Variants in SYT1 observed in about 807,000 individuals in gnomAD.
The protein encoded by SYT1 is synaptotagmin 1, also known as synaptotagmin-1.
In SYT1, 8 loss-of-function variants were observed where a neutral mutation model predicts 44.8. The observed-to-expected ratio is 0.18, with a 90% confidence interval of 0.10 to 0.32. SYT1 has a LOEUF of 0.32. SYT1 is among the 10% of genes least tolerant of loss of function. The pLI, the probability that SYT1 is intolerant of heterozygous loss-of-function variation, is 1.00. For missense variants in SYT1, 286 were observed against 509.3 expected (o/e 0.56, Z 4.22); for synonymous variants, 154 against 188.8 (o/e 0.82, Z 1.51).
intron 1 of SYT1, among the ~76,000 whole-genome samples, chr12:78,900,884 C>T (rs1292641880): frequency 6.6e-6 from 1 of 152,064 alleles, no homozygotes; most frequent in Non-Finnish European, 1.5e-5. Flanking sequence ...CATCAAAATG[C>T]ATGTAATTTT....
At chr12:79,181,842 A>G (rs896298367) in intron 3 of SYT1, among the ~76,000 whole-genome samples, 5 of 152,078 alleles carry the variant, frequency 3.3e-5, no homozygotes, top group Admixed American at 2.6e-4. Context: ...TGTTCCTATC[A>G]ATTCTATCAT....
At chr12:79,187,114 C>T (rs945941064) in intron 3 of SYT1, among the ~76,000 whole-genome samples, 1 of 151,792 alleles carries the variant, frequency 6.6e-6, no homozygotes, top group Admixed American at 6.6e-5. Flanking sequence ...TCTTCTACAC[C>T]CCCTTACAGC....
Position 79,302,390 on chromosome 12 carries a change from A to C in SYT1, c.810+2839A>C, listed in dbSNP as rs373269734. ...CTCTGTGATGTTAATTAAATGGAGTAAGGTTTTATTGCCAGAAAGTTGACA... is the reference window on the plus strand; with the variant it reads ...CTCTGTGATGTTAATTAAATGGAGTCAGGTTTTATTGCCAGAAAGTTGACA... On this transcript the variant is annotated intron_variant, in intron 8 of 10. Coordinates refer to ENST00000261205, the MANE Select transcript of SYT1 (RefSeq NM_005639.3). 4.6e-5 allele frequency among the ~76,000 whole-genome samples: 7 copies of C among 152,306 alleles called. 1 individual carries two copies. The highest frequency in any genetic ancestry group is 3.3e-4 in the Admixed American group (5 of 15,298).
At chr12:79,405,743 A>G (rs1291487838) in intron 9 of SYT1, among the ~76,000 whole-genome samples, 1 of 152,168 alleles carries the variant, frequency 6.6e-6, no homozygotes, top group Non-Finnish European at 1.5e-5. Flanking sequence ...CTACTCTATG[A>G]TGCCATCAGG....
chr12:79,139,246 A>G (rs893107533), intron 3 of SYT1, among the ~76,000 whole-genome samples: 2 of 152,162 alleles, frequency 1.3e-5, no homozygotes, highest in East Asian at 3.9e-4. Context: ...GGCAAAACTC[A>G]AGCTGAGAAT....
chr12:79,108,465 A>G (rs1469904910), intron 3 of SYT1, among the ~76,000 whole-genome samples: 1 of 152,058 alleles, frequency 6.6e-6, no homozygotes, highest in Middle Eastern at 3.2e-3. Context: ...AAACATTTTA[A>G]AAATAGAGAA....
At chr12:79,057,416 ATAT>A (rs1222227689) in intron 3 of SYT1, among the ~76,000 whole-genome samples, 1 of 151,982 alleles carries the variant, frequency 6.6e-6, no homozygotes, top group African/African-American at 2.4e-5. Flanking sequence ...CCCCCAAATG[ATAT>A]TATACAATTT....
Position 79,079,077 on chromosome 12 carries a change from C to T in SYT1, c.-18+31715C>T, listed in dbSNP as rs573354799. Among the ~76,000 whole-genome samples, 21 of 152,208 alleles carry T rather than the reference C, an allele frequency of 1.4e-4. No homozygotes were observed. In the South Asian group the frequency reaches 1.9e-3, roughly 14 times the overall value. On this transcript the variant is annotated intron_variant, in intron 3 of 10. Coordinates refer to ENST00000261205, the MANE Select transcript of SYT1 (RefSeq NM_005639.3). ...AACCCTGAATCCCCAGTATGTTTAG[C>T]GCTTGTGATGTTTGGAATACCCTAT...
At chr12:79,111,713 A>C (rs1000124917) in intron 3 of SYT1, among the ~76,000 whole-genome samples, 2 of 151,882 alleles carry the variant, frequency 1.3e-5, no homozygotes, top group African/African-American at 4.8e-5. Flanking sequence ...GAAGCTAAGA[A>C]ACTTGTCTAG....
At position 78,985,847 on chromosome 12, in the gene SYT1, G is replaced by A. The variant is rs147345589; in HGVS notation, c.-84+7916G>A. Reference sequence around the variant, plus strand: ...ATCAACAAAAGAAGCAATTTCAAACGGTATTCATCCAATAAACTGTAGTTA... The same window carrying A: ...ATCAACAAAAGAAGCAATTTCAAACAGTATTCATCCAATAAACTGTAGTTA... On this transcript the variant is annotated intron_variant, in intron 2 of 10. Transcript: ENST00000261205. Among the ~76,000 whole-genome samples, 170 of 151,780 alleles carry A rather than the reference G, an allele frequency of 1.1e-3. 2 individuals are homozygous for A. The highest frequency in any genetic ancestry group is 3.8e-3 in the African/African-American group (159 of 41,424).
rs1220447509 is a variant in SYT1 at position 79,449,860 on chromosome 12, G to T, written c.*736G>T. 6.6e-6 allele frequency: 1 copy of T among 151,754 alleles called. No individual in the cohort carries two copies. The highest frequency in any genetic ancestry group is 1.9e-4 in the East Asian group (1 of 5,186). 9.4% of individuals were successfully genotyped at this position (151,754 alleles called of 1,614,324 possible). The stretch of plus-strand genomic sequence containing the variant: ...TAATGGCTTCACTCTTATATTTGAG[G>T]AAGCAACTGAACAGGAGTCAATGAT... On this transcript the variant is annotated 3_prime_UTR_variant, in exon 11 of 11. Transcript: ENST00000261205.
Position 79,117,698 on chromosome 12 carries a change from T to A in SYT1, c.-18+70336T>A, listed in dbSNP as rs1328177437. Among the ~76,000 whole-genome samples the A allele has an allele frequency of 2.3e-4, 27 of 115,488 alleles. 1 individual carries two copies. The highest frequency in any genetic ancestry group is 2.6e-4 in the African/African-American group (8 of 30,348). 75.8% of individuals were successfully genotyped at this position (115,488 alleles called of 152,430 possible). On this transcript the variant is annotated intron_variant, in intron 3 of 10. Transcript: ENST00000261205. ...ATATATATATATATATATATATATA[T>A]ATATATATATATATATAAAATAAAT...
intron 4 of SYT1, among the ~76,000 whole-genome samples, chr12:79,272,395 A>G (rs1878477545): frequency 6.6e-6 from 1 of 152,222 alleles, no homozygotes; most frequent in Non-Finnish European, 1.5e-5. Context: ...GATGGGAGAT[A>G]ATATCAGGTC....
At chr12:79,271,425 C>T (rs1390516085) in intron 4 of SYT1, among the ~76,000 whole-genome samples, 2 of 152,014 alleles carry the variant, frequency 1.3e-5, no homozygotes, top group African/African-American at 2.4e-5. Flanking sequence ...GCCTATTAGG[C>T]CATGTAGATT....
chr12:78,947,672 G>A (rs940033904), intron 1 of SYT1, among the ~76,000 whole-genome samples: 9 of 151,956 alleles, frequency 5.9e-5, no homozygotes, highest in African/African-American at 2.2e-4. Context: ...AGCTTTGGAG[G>A]ATAACAGAAA....
chr12:79,183,546 T>G (rs1214127296), intron 3 of SYT1, among the ~76,000 whole-genome samples: 1 of 151,920 alleles, frequency 6.6e-6, no homozygotes, highest in Non-Finnish European at 1.5e-5. Context: ...ATGTCAACAG[T>G]GTCAAGGCCA....
chr12:79,446,031 A>ATATATG (rs1870714770), intron 10 of SYT1, among the ~76,000 whole-genome samples: 1 of 127,142 alleles, frequency 7.9e-6, no homozygotes, highest in Non-Finnish European at 1.6e-5. Context: ...ATATATATAT[A>ATATATG]TATTATGCCT....
intron 8 of SYT1, among the ~76,000 whole-genome samples, chr12:79,312,552 G>C (rs1214792872): frequency 6.6e-6 from 1 of 152,144 alleles, no homozygotes; most frequent in Non-Finnish European, 1.5e-5. Context: ...TTTGTAAGTT[G>C]ATGTGTAGTA....
At chr12:79,185,273 C>T (rs1484993648) in intron 3 of SYT1, among the ~76,000 whole-genome samples, 1 of 152,044 alleles carries the variant, frequency 6.6e-6, no homozygotes, top group Non-Finnish European at 1.5e-5. Context: ...TTAAATGCTA[C>T]TTAAATTATC....
Sources: gnomAD v4.1 joint callset for allele counts (sites outside exome capture counted in the v4.1 genomes callset) on GRCh38, gnomAD v4.1.1 for gene constraint, MANE v1.5 for transcripts, NCBI Gene and HGNC (gene_info 2026-07-23, HGNC 2026-07-21) for gene names.